The following SPPL3 variants were observed in gnomAD, a reference collection of about 807,000 sequenced individuals.
The protein encoded by SPPL3 is signal peptide peptidase-like 3.
In SPPL3, 5 loss-of-function variants were observed where a neutral mutation model predicts 42.4. The observed-to-expected ratio is 0.12, with a 90% confidence interval of 0.06 to 0.25. The LOEUF is 0.25. Among genes scored for constraint, SPPL3 ranks in the 10% least tolerant of loss-of-function variants. The probability of loss-of-function intolerance (pLI) is 1.00; values close to 1 mark genes in which losing one functional copy is unlikely to be tolerated. For synonymous variants in SPPL3, 195 were observed against 181.8 expected, an observed-to-expected ratio of 1.07 and a Z score of -0.58; for missense variants, 235 against 489.0, an observed-to-expected ratio of 0.48 and a Z score of 4.90.
chr12:120,831,681 T>C (rs1249142498), intron 1 of SPPL3, among the ~76,000 whole-genome samples: 1 of 152,206 alleles, frequency 6.6e-6, no homozygotes, highest in East Asian at 1.9e-4. Context: ...GAATTGCTTC[T>C]CTTCTCCCAT....
chr12:120,857,083 G>A (rs893828457), intron 1 of SPPL3, among the ~76,000 whole-genome samples: 2 of 152,132 alleles, frequency 1.3e-5, no homozygotes, highest in East Asian at 3.8e-4. Context: ...AGAAGAAAAG[G>A]AAGAAGGTGG....
At chr12:120,766,100 GCACA>G (rs111837123) in intron 10 of SPPL3, among the ~76,000 whole-genome samples, 159 bp downstream of exon 10, 5,329 of 83,966 alleles carry the variant, frequency 0.063, 93 homozygotes, top group East Asian at 0.098. Context: ...GCGCGCGCGC[GCACA>G]CACACACACA....
At chr12:120,782,842 G>C in intron 5 of SPPL3, 75 bp from the exon 6 acceptor site, 1 of 1,090,430 alleles carries the variant, frequency 9.2e-7, no homozygotes. Flanking sequence ...GGTATTTCGT[G>C]ATGGCTGGAT....
chr12:120,865,903 C>G (rs1872741706), intron 1 of SPPL3, among the ~76,000 whole-genome samples: 1 of 152,160 alleles, frequency 6.6e-6, no homozygotes, highest in Admixed American at 6.5e-5. Flanking sequence ...CGCCTGAGTT[C>G]TACCTCCTGT....
chr12:120,780,064 G>C (rs1869471521), intron 6 of SPPL3, among the ~76,000 whole-genome samples: 1 of 151,012 alleles, frequency 6.6e-6, no homozygotes, highest in African/African-American at 2.4e-5. Flanking sequence ...ACATCTCAAG[G>C]GGCTGGGCCT....
intron 8 of SPPL3, 35 bp downstream of exon 8, chr12:120,768,290 A>G: frequency 1.3e-6 from 2 of 1,588,684 alleles, no homozygotes; most frequent in Non-Finnish European, 1.7e-6. Context: ...AGGCACAGGA[A>G]GACAGTGTGG....
intron 2 of SPPL3, among the ~76,000 whole-genome samples, chr12:120,807,188 T>C (rs1322270662): frequency 6.6e-6 from 1 of 152,076 alleles, no homozygotes; most frequent in Non-Finnish European, 1.5e-5. Flanking sequence ...CATCCCAATA[T>C]CAGGGAAATA....
chr12:120,780,221 C>T (rs1162519152), intron 6 of SPPL3, among the ~76,000 whole-genome samples: 2 of 150,462 alleles, frequency 1.3e-5, no homozygotes, highest in Non-Finnish European at 3.0e-5. Flanking sequence ...TGGCCCCATC[C>T]CAGCACTTTG....
At chr12:120,831,593 C>T (rs915772931) in intron 1 of SPPL3, among the ~76,000 whole-genome samples, 4 of 152,176 alleles carry the variant, frequency 2.6e-5, no homozygotes, top group African/African-American at 9.7e-5. Context: ...CCACTTGTAT[C>T]TCTAATACAG....
intron 1 of SPPL3, among the ~76,000 whole-genome samples, chr12:120,850,767 A>G (rs999673539): frequency 6.6e-6 from 1 of 152,186 alleles, no homozygotes; most frequent in Non-Finnish European, 1.5e-5. Flanking sequence ...GAGGGCTCTG[A>G]GGGAAGAATG....
At chr12:120,893,845 C>T (rs187984427) in intron 1 of SPPL3, among the ~76,000 whole-genome samples, 2 of 152,074 alleles carry the variant, frequency 1.3e-5, no homozygotes, top group East Asian at 3.9e-4. Flanking sequence ...CCATTTTTTC[C>T]TCTCCATACT....
intron 6 of SPPL3, 91 bp downstream of exon 6, chr12:120,782,564 T>C: frequency 3.0e-6 from 3 of 986,160 alleles, no homozygotes; most frequent in Non-Finnish European, 4.5e-6. Context: ...AAGTTTATTG[T>C]AGTGATGGTT....
chr12:120,784,229 C>T (rs1284132197), intron 4 of SPPL3: 1 of 324,238 alleles, frequency 3.1e-6, no homozygotes, highest in Non-Finnish European at 5.7e-6. Flanking sequence ...CATAGAATTC[C>T]TGCACTTTGA....
chr12:120,813,502 T>G (rs1870758674), intron 1 of SPPL3, among the ~76,000 whole-genome samples: 1 of 151,734 alleles, frequency 6.6e-6, no homozygotes, highest in South Asian at 2.1e-4. Context: ...GTATTTTTAG[T>G]AAGAGACGGG....
intron 1 of SPPL3, among the ~76,000 whole-genome samples, chr12:120,861,454 G>C (rs1872616671): frequency 6.6e-6 from 1 of 152,166 alleles, no homozygotes; most frequent in Admixed American, 6.5e-5. Flanking sequence ...AAAAGAGTAA[G>C]ATTTTTTTTT....
intron 1 of SPPL3, among the ~76,000 whole-genome samples, chr12:120,893,023 C>A (rs943629144): frequency 6.7e-6 from 1 of 149,666 alleles, no homozygotes; most frequent in Non-Finnish European, 1.5e-5. Context: ...ATTTAGTGGA[C>A]AATATACAAA....
chr12:120,826,878 TTTTA>T (rs1405910688), intron 1 of SPPL3, among the ~76,000 whole-genome samples: 2 of 152,096 alleles, frequency 1.3e-5, no homozygotes, highest in African/African-American at 2.4e-5. Flanking sequence ...CCCTGGGTGA[TTTTA>T]TTTATGAATT....
intron 2 of SPPL3, among the ~76,000 whole-genome samples, chr12:120,804,321 A>G (rs1870420510): frequency 6.6e-6 from 1 of 152,218 alleles, no homozygotes; most frequent in African/African-American, 2.4e-5. Flanking sequence ...AGCATACAGA[A>G]AGTGAAAAGA....
chr12:120,868,763 AG>A (rs1364515961), intron 1 of SPPL3, among the ~76,000 whole-genome samples: 1 of 152,216 alleles, frequency 6.6e-6, no homozygotes, highest in Non-Finnish European at 1.5e-5. Flanking sequence ...TACAGGGGTA[AG>A]CCACCATGCC....
Sources: allele counts gnomAD v4.1 joint callset (sites outside exome capture counted in the v4.1 genomes callset), GRCh38; gene constraint gnomAD v4.1.1; transcripts MANE v1.5; gene names NCBI Gene and HGNC (gene_info 2026-07-23, HGNC 2026-07-21).